The following AHR variants were observed in gnomAD, a reference collection of about 807,000 sequenced individuals.
AHR encodes aryl hydrocarbon receptor.
Under a neutral mutation model 86.8 loss-of-function variants are expected in AHR, and 40 were observed. The observed-to-expected ratio is 0.46, with a 90% CI of 0.36 to 0.60. The LOEUF is 0.60. Ranked by LOEUF, AHR falls within the 20% of genes least tolerant of loss-of-function variation. The pLI, the probability that AHR is intolerant of heterozygous loss-of-function variation, is 0.00. For missense variants in AHR, 1,001 were observed against 1,011.6 expected (o/e 0.99, Z 0.14); for synonymous variants, 398 against 354.9 (o/e 1.12, Z -1.37).
intron 3 of AHR, 40 bp downstream of exon 3, chr7:17,322,647 T>C (rs763164975): frequency 2.6e-5 from 33 of 1,258,126 alleles, no homozygotes; most frequent in Non-Finnish European, 3.8e-5. Context: ...CTAAGGACAG[T>C]TGTAAATGGA....
intron 1 of AHR, among the ~76,000 whole-genome samples, chr7:17,307,097 A>G (rs185127003): frequency 2.0e-5 from 3 of 152,246 alleles, no homozygotes; most frequent in Non-Finnish European, 2.9e-5. Context: ...AGCAAGCCTC[A>G]GAATCTAGTG....
intron 6 of AHR, 124 bp from the exon 7 acceptor site, chr7:17,333,788 A>G: frequency 2.8e-6 from 2 of 707,408 alleles, no homozygotes; most frequent in Non-Finnish European, 2.3e-6. Context: ...AACAGTTCTC[A>G]GCTTCAGGAA....
At chr7:17,306,953 C>A (rs1408002556) in intron 1 of AHR, among the ~76,000 whole-genome samples, 1 of 152,122 alleles carries the variant, frequency 6.6e-6, no homozygotes, top group African/African-American at 2.4e-5. Flanking sequence ...TTTAAGCTTA[C>A]ATAGAAATAA....
At position 17,298,967 on chromosome 7, in the gene AHR, C is replaced by G. The variant is rs1374799900; in HGVS notation, c.-298C>G. On this transcript the variant is annotated 5_prime_UTR_variant, in exon 1 of 11. Coordinates refer to ENST00000242057, the MANE Select transcript of AHR (RefSeq NM_001621.5). ...CGCCTCACCTGCGGGCATTGCCGCG[C>G]CGCCTCCGCCGGTGTAGACGGCACC... 4 of 442,060 alleles carry G rather than the reference C, an allele frequency of 9.0e-6. No homozygotes were observed. In the South Asian group the frequency reaches 2.5e-4, roughly 28 times the overall value. The allele number at this position is 442,060 out of a possible 1,614,324, so 27.4% of individuals were successfully genotyped here.
At chr7:17,327,107 A>G (rs1320926030) in intron 3 of AHR, among the ~76,000 whole-genome samples, 3 of 152,070 alleles carry the variant, frequency 2.0e-5, no homozygotes, top group East Asian at 1.9e-4. Flanking sequence ...AAAAAGAAAC[A>G]TTATACATGT....
chr7:17,326,368 T>C (rs1412165926), intron 3 of AHR, among the ~76,000 whole-genome samples: 3 of 152,190 alleles, frequency 2.0e-5, no homozygotes, highest in Non-Finnish European at 4.4e-5. Context: ...ATAATGAAGA[T>C]ATCGACTGGA....
At chr7:17,325,853 T>G (rs924341137) in intron 3 of AHR, among the ~76,000 whole-genome samples, 1 of 152,128 alleles carries the variant, frequency 6.6e-6, no homozygotes, top group Non-Finnish European at 1.5e-5. Context: ...AGTACTAGGC[T>G]TAATACCTGG....
At chr7:17,334,193 C>A in intron 7 of AHR, 79 bp downstream of exon 7, 2 of 1,250,616 alleles carry the variant, frequency 1.6e-6, no homozygotes, top group Non-Finnish European at 2.3e-6. Flanking sequence ...GTAAAACATA[C>A]AGTGTATGTA....
chr7:17,315,643 C>T (rs547875869), intron 2 of AHR, among the ~76,000 whole-genome samples: 1 of 151,976 alleles, frequency 6.6e-6, no homozygotes, highest in South Asian at 2.1e-4. Context: ...TTTTCAAATA[C>T]AGACATTTAA....
chr7:17,335,627 T>A lies in AHR; in HGVS notation c.1019-18T>A. ...TGATTTGGGGGTTTGATAATTTAAT[T>A]TTTTAATTTTATTTTAGTGATTAAG... On this transcript the variant is annotated intron_variant, in intron 8 of 10. Transcript: ENST00000242057. 1 of 1,534,336 alleles carries A rather than the reference T, an allele frequency of 6.5e-7. No homozygotes were observed. The highest frequency in any genetic ancestry group is 8.8e-7 in the Non-Finnish European group (1 of 1,140,098).
intron 6 of AHR, 136 bp from the exon 7 acceptor site, chr7:17,333,776 C>A: frequency 3.0e-6 from 2 of 663,452 alleles, no homozygotes; most frequent in Non-Finnish European, 2.5e-6. Flanking sequence ...GTGAAGGAAA[C>A]TAACAGTTCT....
At chr7:17,331,499 A>G (rs1782288437) in intron 6 of AHR, among the ~76,000 whole-genome samples, 1 of 151,956 alleles carries the variant, frequency 6.6e-6, no homozygotes, top group Non-Finnish European at 1.5e-5. Flanking sequence ...TTGTATTTTG[A>G]CTATTTTAGG....
At position 17,335,757 on chromosome 7, in the gene AHR, TTA is replaced by T; in HGVS notation, c.1135_1136del (p.Ile379HisfsTer10). The T allele has an allele frequency of 6.2e-7, 1 of 1,613,126 alleles. No individual in the cohort carries two copies. Among genetic ancestry groups the T allele is most frequent in the Non-Finnish European group, 8.5e-7 (1 of 1,179,482 alleles). On this transcript the variant is annotated frameshift_variant, in exon 9 of 11. Coordinates refer to ENST00000242057, the MANE Select transcript of AHR (RefSeq NM_001621.5). ...TGCTTTATAAAAATGGAAGACCAGA[TTA>T]TATCATTGTAACTCAGAGACCACTA... The part of the protein sequence containing the change: ...RLLYKNGRPD[Y>X]IIVTQRPLTD...
chr7:17,333,105 C>T (rs879614354), intron 6 of AHR, among the ~76,000 whole-genome samples: 7 of 151,826 alleles, frequency 4.6e-5, no homozygotes, highest in South Asian at 2.1e-4. Context: ...AGCTTAGATG[C>T]GTAGTAAGCT....
intron 3 of AHR, among the ~76,000 whole-genome samples, chr7:17,323,851 C>G (rs1302605619): frequency 1.3e-5 from 2 of 152,126 alleles, no homozygotes; most frequent in Non-Finnish European, 2.9e-5. Context: ...ATAAAGACTC[C>G]TTATTCAGGT....
chr7:17,330,336 C>A (rs190760395), intron 5 of AHR, among the ~76,000 whole-genome samples: 24 of 151,894 alleles, frequency 1.6e-4, no homozygotes, highest in Admixed American at 9.9e-4. Flanking sequence ...ATAAGTAGTA[C>A]CTTCATGAAA....
chr7:17,334,205 T>C, intron 7 of AHR, 91 bp downstream of exon 7: 1 of 1,099,058 alleles, frequency 9.1e-7, no homozygotes, highest in Non-Finnish European at 1.3e-6. Context: ...GTGTATGTAA[T>C]ATTGTTTATT....
intron 4 of AHR, 91 bp downstream of exon 4, chr7:17,327,939 G>A (rs1438062524): frequency 9.8e-6 from 4 of 409,816 alleles, no homozygotes; most frequent in Non-Finnish European, 1.5e-5. Flanking sequence ...TATGTATAAA[G>A]TATCAATATA....
chr7:17,298,671 C>G lies in AHR; in HGVS notation c.-594C>G, dbSNP rs1204149029. 1 of 394,540 alleles carries G rather than the reference C, an allele frequency of 2.5e-6. No individual in the cohort carries two copies. Among genetic ancestry groups the G allele is most frequent in the African/African-American group, 2.1e-5 (1 of 48,334 alleles). 24.4% of individuals were successfully genotyped at this position (394,540 alleles called of 1,614,324 possible). A position where few individuals can be genotyped will look rare whatever the true frequency, so the allele number is the denominator to read the frequency against. ...GGAGGCAGTGGCTGGGGAGTCCCGT[C>G]GACGCTCTGTTCCGAGAGCGTGCCC... On this transcript the variant is annotated 5_prime_UTR_variant, in exon 1 of 11. Transcript: ENST00000242057.
Sources: gnomAD v4.1 joint callset for allele counts (sites outside exome capture counted in the v4.1 genomes callset) on GRCh38, gnomAD v4.1.1 for gene constraint, MANE v1.5 for transcripts, NCBI Gene and HGNC (gene_info 2026-07-23, HGNC 2026-07-21) for gene names.